The following MMRN1 variants were observed in gnomAD, a reference collection of about 807,000 sequenced individuals.
The protein encoded by MMRN1 is multimerin 1.
A neutral mutation model predicts 100.7 loss-of-function variants in MMRN1; 94 were observed. The ratio of observed to expected loss-of-function variants is 0.93; its 90% CI spans 0.79 to 1.11. The LOEUF is 1.11. Among genes scored for constraint, MMRN1 ranks in the 50% least tolerant of loss-of-function variants. MMRN1 has a pLI of 0.00. For synonymous variants in MMRN1, 575 were observed against 505.0 expected (o/e 1.14, Z -1.86); for missense variants, 1,606 against 1,439.1 (o/e 1.12, Z -1.88).
chr4:89,938,020 A>G (rs1050539508), intron 6 of MMRN1, among the ~76,000 whole-genome samples: 2 of 152,040 alleles, frequency 1.3e-5, no homozygotes, highest in South Asian at 2.1e-4. Context: ...TTTTTCTCAT[A>G]TGAGTCTGCT....
intron 1 of MMRN1, among the ~76,000 whole-genome samples, chr4:89,886,966 CT>C (rs1720950737): frequency 6.6e-6 from 1 of 152,084 alleles, no homozygotes; most frequent in Non-Finnish European, 1.5e-5. Flanking sequence ...TGCCATCTAA[CT>C]GTATTTTGTA....
chr4:89,917,892 T>C (rs1302880282), intron 3 of MMRN1, among the ~76,000 whole-genome samples: 3 of 151,962 alleles, frequency 2.0e-5, no homozygotes, highest in African/African-American at 2.4e-5. Context: ...ATACTGTGTG[T>C]ATTTTTGAAT....
intron 1 of MMRN1, among the ~76,000 whole-genome samples, chr4:89,889,193 T>C (rs917488887): frequency 6.6e-6 from 1 of 152,160 alleles, no homozygotes; most frequent in African/African-American, 2.4e-5. Flanking sequence ...GAGGACGTGA[T>C]AAGGATTTTC....
Position 89,951,623 on chromosome 4 carries a change from G to A in MMRN1, c.3137G>A (p.Ser1046Asn). 1 of 1,530,140 alleles carries A rather than the reference G, an allele frequency of 6.5e-7. No individual in the cohort carries two copies. Among genetic ancestry groups the A allele is most frequent in the South Asian group, 1.3e-5 (1 of 79,604 alleles). The allele number at this position is 1,530,140 out of a possible 1,614,324, so 94.8% of individuals were successfully genotyped here. A position where few individuals can be genotyped will look rare whatever the true frequency, so the allele number is the denominator to read the frequency against. Residue 1046 changes from serine to asparagine, a missense_variant, in exon 7 of 8, where the codon AGT becomes AAT. Coordinates refer to ENST00000264790, the MANE Select transcript of MMRN1 (RefSeq NM_007351.3). Reference protein sequence around the residue: ...IIYPEEYSSCSRHPCQNGGTC... With the variant: ...IIYPEEYSSCNRHPCQNGGTC... ...GTAACAGAGGAGTATTCAAGCTGTA[G>A]TCGGCATCCGTGCCAAAATGGGGGC...
intron 3 of MMRN1, among the ~76,000 whole-genome samples, chr4:89,917,133 G>A (rs778688987): frequency 2.6e-5 from 4 of 151,648 alleles, no homozygotes; most frequent in Non-Finnish European, 4.4e-5. Flanking sequence ...AAGAGACAGA[G>A]AGAGCCCTTG....
rs764100569 is a variant in MMRN1 at position 89,936,651 on chromosome 4, C to T, written c.2971C>T (p.Pro991Ser). Residue 991 changes from proline (P) to serine (S), a missense_variant, in exon 6 of 8, where the codon CCT (proline) becomes TCT (serine). Coordinates refer to ENST00000264790, the MANE Select transcript of MMRN1 (RefSeq NM_007351.3). ...AACTTGTTGTATAGATCGATCGTTG[C>T]CTGGTAGTCTGGCAAATGTTGTCAA... is the stretch of plus-strand genomic sequence containing the variant. ...NLTCCIDRSL[P>S]GSLANVVKSQ... 1.9e-6 allele frequency: 3 copies of T among 1,613,454 alleles called. No individual in the cohort carries two copies. The highest frequency in any genetic ancestry group is 1.7e-4 in the Middle Eastern group (1 of 6,054).
In MMRN1 at chr4:89,936,466, C is replaced by A. The variant is rs1367250978; in HGVS notation, c.2786C>A (p.Thr929Lys). Residue 929 changes from threonine (T) to lysine (K), a missense_variant, in exon 6 of 8, where the codon ACA (threonine) becomes AAA (lysine). Physicochemically the swap from Thr to Lys is moderately conservative, Grantham distance 78 (BLOSUM62 -1). Coordinates refer to ENST00000264790, the MANE Select transcript of MMRN1 (RefSeq NM_007351.3). Reference protein sequence around the residue: ...SLNKTLHEVLTMCHNASTSVS... With the variant: ...SLNKTLHEVLKMCHNASTSVS... ...AACAAAACTCTCCACGAAGTTTTAA[C>A]AATGTGTCACAATGCTTCTACAAGT... is the stretch of plus-strand genomic sequence containing the variant. The A allele has an allele frequency of 6.2e-7, 1 of 1,612,804 alleles. No individual in the cohort carries two copies. The highest frequency in any genetic ancestry group is 2.2e-5 in the East Asian group (1 of 44,790).
intron 1 of MMRN1, among the ~76,000 whole-genome samples, chr4:89,886,485 G>T (rs1720939262): frequency 6.6e-6 from 1 of 152,146 alleles, no homozygotes; most frequent in Non-Finnish European, 1.5e-5. Context: ...ATCAATGAGG[G>T]TTCCATGTAC....
At chr4:89,879,670 T>C (rs1720779194) in intron 1 of MMRN1, 1 of 152,198 alleles carries the variant, frequency 6.6e-6, no homozygotes, top group African/African-American at 2.4e-5. Context: ...TTTGTTAATG[T>C]TTCTTCAAAT....
At chr4:89,919,649 A>T (rs892851912) in intron 3 of MMRN1, among the ~76,000 whole-genome samples, 2 of 151,998 alleles carry the variant, frequency 1.3e-5, no homozygotes, top group Non-Finnish European at 2.9e-5. Context: ...CTGAGTTTGC[A>T]GAGTATCATT....
At chr4:89,934,171 T>A (rs1722530107) in intron 5 of MMRN1, among the ~76,000 whole-genome samples, 1 of 152,120 alleles carries the variant, frequency 6.6e-6, no homozygotes, top group Non-Finnish European at 1.5e-5. Flanking sequence ...ACTATAATAA[T>A]ATGTCAGGTG....
chr4:89,904,868 G>A (rs766346769), intron 1 of MMRN1, among the ~76,000 whole-genome samples: 15 of 151,598 alleles, frequency 9.9e-5, no homozygotes, highest in Non-Finnish European at 1.5e-4. Flanking sequence ...TAATTGAACC[G>A]TTAAAACAAA....
At chr4:89,908,432 G>C (rs1006469212) in intron 1 of MMRN1, among the ~76,000 whole-genome samples, 7 of 151,406 alleles carry the variant, frequency 4.6e-5, no homozygotes, top group African/African-American at 1.7e-4. Flanking sequence ...GCTAAGATTT[G>C]TTGTGAAAAT....
chr4:89,934,002 G>A (rs537374866), intron 5 of MMRN1, among the ~76,000 whole-genome samples: 5 of 151,844 alleles, frequency 3.3e-5, no homozygotes, highest in African/African-American at 9.7e-5. Flanking sequence ...GTTGTGAATA[G>A]TCCAGTACAC....
chr4:89,903,275 A>G (rs1242505397), intron 1 of MMRN1, among the ~76,000 whole-genome samples: 1 of 151,686 alleles, frequency 6.6e-6, no homozygotes, highest in Non-Finnish European at 1.5e-5. Context: ...AAAAATAAAG[A>G]TTTCAATAAA....
chr4:89,886,952 T>C (rs1720950530), intron 1 of MMRN1, among the ~76,000 whole-genome samples: 1 of 152,134 alleles, frequency 6.6e-6, no homozygotes, highest in Non-Finnish European at 1.5e-5. Flanking sequence ...TTATATCTTA[T>C]TTCTGCCATC....
chr4:89,886,791 T>G (rs1253439586), intron 1 of MMRN1, among the ~76,000 whole-genome samples: 1 of 152,188 alleles, frequency 6.6e-6, no homozygotes, highest in Non-Finnish European at 1.5e-5. Context: ...ATACAATGTT[T>G]AATTATCAAA....
upstream of MMRN1, among the ~76,000 whole-genome samples, chr4:89,890,096 C>T (rs1450650826): frequency 6.6e-6 from 1 of 152,032 alleles, no homozygotes; most frequent in African/African-American, 2.4e-5. Context: ...ATTTCTGGCT[C>T]CTCTGTTGGC....
intron 5 of MMRN1, 40 bp from the exon 6 acceptor site, chr4:89,934,770 A>G (rs769378126): frequency 8.4e-7 from 1 of 1,186,338 alleles, no homozygotes; most frequent in South Asian, 2.2e-5. Context: ...AAAGTCTCAT[A>G]TAATTAAAAC....
Sources: gnomAD v4.1 joint callset for allele counts (sites outside exome capture counted in the v4.1 genomes callset) on GRCh38, gnomAD v4.1.1 for gene constraint, MANE v1.5 for transcripts, NCBI Gene and HGNC (gene_info 2026-07-23, HGNC 2026-07-21) for gene names.